The following ZMYND8 variants were observed in gnomAD, a reference collection of about 807,000 sequenced individuals.
ZMYND8 encodes MYND-type zinc finger-containing chromatin reader ZMYND8.
In ZMYND8, 37 loss-of-function variants were observed where a neutral mutation model predicts 140.8. That is an observed-to-expected ratio of 0.26 (90% confidence interval 0.20 to 0.35). The LOEUF (loss-of-function observed/expected upper bound fraction) is 0.35. ZMYND8 is among the 10% of genes least tolerant of loss of function. The probability of loss-of-function intolerance (pLI) is 1.00; values close to 1 mark genes in which losing one functional copy is unlikely to be tolerated. For missense variants in ZMYND8, 1,068 were observed against 1,570.0 expected (o/e 0.68, Z 5.40); for synonymous variants, 592 against 597.1 (o/e 0.99, Z 0.12).
At chr20:47,355,615 G>T in intron 1 of ZMYND8, 1 of 463,432 alleles carries the variant, frequency 2.2e-6, no homozygotes, top group Non-Finnish European at 2.8e-6. Context: ...AATATGGAAT[G>T]CTGTCATGAG....
At chr20:47,261,946 C>T (rs1290673458) in intron 12 of ZMYND8, among the ~76,000 whole-genome samples, 3 of 152,032 alleles carry the variant, frequency 2.0e-5, no homozygotes, top group Admixed American at 2.0e-4. Flanking sequence ...TGGCATACTC[C>T]TGTAATCTTA....
At chr20:47,289,618 A>AC (rs2077132325) in intron 7 of ZMYND8, among the ~76,000 whole-genome samples, 1 of 151,890 alleles carries the variant, frequency 6.6e-6, no homozygotes, top group African/African-American at 2.4e-5. Context: ...GAATGAAAAA[A>AC]AAAAATCAGC....
chr20:47,310,088 GTTTCTT>G lies in ZMYND8; in HGVS notation c.196_201del (p.Lys66_Lys67del). 1 of 1,614,192 alleles carries G rather than the reference GTTTCTT, an allele frequency of 6.2e-7. No homozygotes were observed. Among genetic ancestry groups the G allele is most frequent in the Non-Finnish European group, 8.5e-7 (1 of 1,180,036 alleles). ...TTATTGTTACTGTTCAGTAAGCCAG[GTTTCTT>G]TTTCTTTTTAATGGGGCTTGTTGAT... On this transcript the variant is annotated inframe_deletion, in exon 3 of 23. Transcript: ENST00000471951.
intron 7 of ZMYND8, among the ~76,000 whole-genome samples, chr20:47,287,612 T>C (rs1377714151): frequency 2.0e-5 from 3 of 152,212 alleles, no homozygotes; most frequent in Non-Finnish European, 4.4e-5. Context: ...ATTCTACCCA[T>C]TGTCCCAGAC....
chr20:47,244,365 T>C (rs187522115), intron 14 of ZMYND8, among the ~76,000 whole-genome samples: 43 of 152,354 alleles, frequency 2.8e-4, no homozygotes, highest in African/African-American at 9.6e-4. Context: ...TAGTTAATTC[T>C]TCAGTATCTT....
At position 47,221,372 on chromosome 20, in the gene ZMYND8, G is replaced by C. The variant is rs201437972; in HGVS notation, c.3359C>G (p.Thr1120Arg). The change falls in exon 20 of 23, where the codon ACG (threonine) becomes AGG (arginine). Residue 1120 changes from threonine (T) to arginine (R), a missense_variant. Thr to Arg is a moderately conservative substitution (Grantham distance 71). This residue lies in a region of ZMYND8 where 180 missense variants were observed against 187.8 expected (regional missense o/e 0.96). Transcript: ENST00000471951. ...CTCCTTCTCTTTGGAGGCGCTGGCC[G>C]TTTCTGAAGGTGCTGATTGTGTGCT... is the stretch of plus-strand genomic sequence containing the variant. ...SSSTQSAPSETASASKEKETS... is the reference protein window; with the variant it reads ...SSSTQSAPSERASASKEKETS... 11 of 1,614,190 alleles carry C rather than the reference G, an allele frequency of 6.8e-6. No individual in the cohort carries two copies. The South Asian group carries it at 1.1e-4, about 16-fold the overall frequency.
chr20:47,300,887 TGTGTGTGTG>T lies in ZMYND8; in HGVS notation c.235-1949_235-1941del, dbSNP rs2077980049. 1.8e-4 allele frequency among the ~76,000 whole-genome samples: 4 copies of T among 21,780 alleles called. No homozygotes were observed. The South Asian group carries it at 8.3e-3, about 45-fold the overall frequency. 14.3% of individuals were successfully genotyped at this position (21,780 alleles called of 152,430 possible). A position where few individuals can be genotyped will look rare whatever the true frequency, so the allele number is the denominator to read the frequency against. ...GCGCCACCATGCACAACTAATTTTG[TGTGTGTGTG>T]TGTGTGTGTGTGTGTGTGTGTGTGT... On this transcript the variant is annotated intron_variant, in intron 3 of 22. Coordinates refer to ENST00000471951, the MANE Select transcript of ZMYND8 (RefSeq NM_001281775.3).
At chr20:47,227,377 G>A in intron 17 of ZMYND8, 96 bp from the exon 18 acceptor site, 1 of 1,176,620 alleles carries the variant, frequency 8.5e-7, no homozygotes, top group Non-Finnish European at 1.3e-6. Flanking sequence ...AGGGGTATGG[G>A]AATCATGCTA....
At chr20:47,286,817 G>C (rs6066266) in intron 8 of ZMYND8, among the ~76,000 whole-genome samples, 32,218 of 152,040 alleles carry the variant, frequency 0.21, 4,242 homozygotes, top group Non-Finnish European at 0.29. Context: ...TGGACACCTG[G>C]GCCACTCTCC....
At chr20:47,263,282 TAAC>T (rs933324358) in intron 11 of ZMYND8, among the ~76,000 whole-genome samples, 12 of 141,532 alleles carry the variant, frequency 8.5e-5, no homozygotes, top group African/African-American at 2.7e-4. Flanking sequence ...AAGGCATCAC[TAAC>T]AACAATGACA....
At position 47,224,592 on chromosome 20, in the gene ZMYND8, G is replaced by T; in HGVS notation, c.3017-36C>A. ...AGGGGAAGAACACCGCTCATCACCTGACCCCAGCCTGGGGTGTGGGGTTAT... is the reference window on the plus strand; with the variant it reads ...AGGGGAAGAACACCGCTCATCACCTTACCCCAGCCTGGGGTGTGGGGTTAT... On this transcript the variant is annotated intron_variant, in intron 18 of 22. Transcript: ENST00000471951. 3 of 1,608,212 alleles carry T rather than the reference G, an allele frequency of 1.9e-6. No homozygotes were observed. In the South Asian group the frequency reaches 3.3e-5, roughly 18 times the overall value.
intron 2 of ZMYND8, among the ~76,000 whole-genome samples, chr20:47,331,061 G>A (rs893294033): frequency 6.6e-6 from 1 of 152,110 alleles, no homozygotes; most frequent in African/African-American, 2.4e-5. Context: ...AGTGGAACAC[G>A]GAGAGAAGTG....
chr20:47,329,100 C>T (rs926613951), intron 2 of ZMYND8, among the ~76,000 whole-genome samples: 2 of 152,170 alleles, frequency 1.3e-5, no homozygotes, highest in African/African-American at 4.8e-5. Context: ...AAAGAATAGG[C>T]AAGCTCAGGA....
chr20:47,313,629 A>AAAT (rs1327325432), intron 2 of ZMYND8, among the ~76,000 whole-genome samples: 4 of 150,316 alleles, frequency 2.7e-5, no homozygotes, highest in Admixed American at 6.7e-5. Flanking sequence ...CATCTCAAAA[A>AAAT]AATAATAATA....
chr20:47,253,474 C>G (rs1468491301), intron 12 of ZMYND8, among the ~76,000 whole-genome samples: 2 of 150,414 alleles, frequency 1.3e-5, no homozygotes, highest in East Asian at 3.9e-4. Context: ...GAGGAGGAGC[C>G]TGCAGTGAGC....
chr20:47,299,675 C>T (rs991275906), intron 3 of ZMYND8, among the ~76,000 whole-genome samples: 4 of 152,128 alleles, frequency 2.6e-5, no homozygotes, highest in African/African-American at 9.7e-5. Context: ...CCTCTGCCTC[C>T]CGGGTTCAAG....
At chr20:47,237,131 G>A (rs905415913) in intron 15 of ZMYND8, among the ~76,000 whole-genome samples, 15 of 150,598 alleles carry the variant, frequency 1.0e-4, no homozygotes, top group Non-Finnish European at 2.2e-4. Context: ...GAAGCAATGA[G>A]CCACTTTTTG....
intron 5 of ZMYND8, 64 bp from the exon 6 acceptor site, chr20:47,291,952 G>T: frequency 7.1e-7 from 1 of 1,404,458 alleles, no homozygotes; most frequent in Non-Finnish European, 9.8e-7. Flanking sequence ...AAGCATTAAT[G>T]CTAACAAAAG....
chr20:47,247,299 G>GCTC (rs1244887094), intron 13 of ZMYND8, among the ~76,000 whole-genome samples: 1 of 152,210 alleles, frequency 6.6e-6, no homozygotes, highest in Admixed American at 6.5e-5. Flanking sequence ...AAAGCCACTG[G>GCTC]CTCCTCTAGG....
Sources: allele counts gnomAD v4.1 joint callset (sites outside exome capture counted in the v4.1 genomes callset), GRCh38; gene constraint gnomAD v4.1.1; regional missense constraint gnomAD v4.1.1; transcripts MANE v1.5; gene names NCBI Gene and HGNC (gene_info 2026-07-23, HGNC 2026-07-21).